ATP8B4: variants seen among roughly 807,000 people sequenced by gnomAD.
ATP8B4 encodes ATPase phospholipid transporting 8B4 (putative), also known as probable phospholipid-transporting ATPase IM.
In ATP8B4, 133 loss-of-function variants were observed where a neutral mutation model predicts 145.6. That is an observed-to-expected ratio of 0.91 (90% CI 0.79 to 1.05). The LOEUF is 1.05. ATP8B4 is among the 50% of genes least tolerant of loss of function. The pLI, the probability that ATP8B4 is intolerant of heterozygous loss-of-function variation, is 0.00. For synonymous variants in ATP8B4, 507 were observed against 492.9 expected (o/e 1.03, Z -0.38); for missense variants, 1,458 against 1,425.2 (o/e 1.02, Z -0.37).
chr15:50,174,908 T>C (rs2044739765), intron 1 of ATP8B4, among the ~76,000 whole-genome samples: 1 of 152,158 alleles, frequency 6.6e-6, no homozygotes, highest in African/African-American at 2.4e-5. Context: ...TATAAGGCTA[T>C]AGTCACCAAA....
At chr15:49,901,972 A>G in intron 20 of ATP8B4, 1 of 238,976 alleles carries the variant, frequency 4.2e-6, no homozygotes, top group South Asian at 4.5e-5. Context: ...TCCTGCTCAC[A>G]TCCCATGCAT....
At chr15:49,928,042 A>G (rs1260447882) in intron 16 of ATP8B4, among the ~76,000 whole-genome samples, 2 of 152,194 alleles carry the variant, frequency 1.3e-5, no homozygotes, top group African/African-American at 2.4e-5. Flanking sequence ...CATAATTTAC[A>G]AAGTGCTGGG....
At chr15:49,981,688 A>T (rs529677165) in intron 10 of ATP8B4, among the ~76,000 whole-genome samples, 7 of 152,304 alleles carry the variant, frequency 4.6e-5, no homozygotes, top group African/African-American at 1.2e-4. Flanking sequence ...ACACTAAGGT[A>T]AAAAATGGAA....
chr15:50,011,607 T>C (rs2048727922), intron 6 of ATP8B4, among the ~76,000 whole-genome samples: 1 of 152,024 alleles, frequency 6.6e-6, no homozygotes, highest in Non-Finnish European at 1.5e-5. Flanking sequence ...TTCAAAGGGG[T>C]TTATTATGAA....
At chr15:49,894,644 G>C (rs1215820762) in intron 23 of ATP8B4, among the ~76,000 whole-genome samples, 1 of 152,120 alleles carries the variant, frequency 6.6e-6, no homozygotes, top group Admixed American at 6.5e-5. Context: ...TCTGAAATCA[G>C]TTCCATAACC....
chr15:49,920,353 T>C lies in ATP8B4; in HGVS notation c.1816A>G (p.Lys606Glu). 1 of 1,614,230 alleles carries C rather than the reference T, an allele frequency of 6.2e-7. No individual in the cohort carries two copies. Among genetic ancestry groups the C allele is most frequent in the Non-Finnish European group, 8.5e-7 (1 of 1,180,038 alleles). The change falls in exon 18 of 28, where the codon AAG becomes GAG. Residue 606 changes from lysine to glutamate, a missense_variant. Lys to Glu is a moderately conservative substitution (Grantham distance 56, BLOSUM62 1). Coordinates refer to ENST00000284509, the MANE Select transcript of ATP8B4 (RefSeq NM_024837.4). Reference protein sequence around the residue: ...LAIAYRDLDDKYFKEWHKMLE... With the variant: ...LAIAYRDLDDEYFKEWHKMLE... ...ATCTTATGCCACTCTTTAAAGTACTTGTCATCCAGGTCTCTGTATGCGATG... is the reference window on the plus strand; with the variant it reads ...ATCTTATGCCACTCTTTAAAGTACTCGTCATCCAGGTCTCTGTATGCGATG...
At chr15:49,872,472 T>C (rs1473108982) in intron 25 of ATP8B4, among the ~76,000 whole-genome samples, 1 of 152,310 alleles carries the variant, frequency 6.6e-6, no homozygotes, top group South Asian at 2.1e-4. Flanking sequence ...CAGCTTACAG[T>C]GGAGAAACCT....
chr15:49,875,110 G>GCA, intron 25 of ATP8B4, among the ~76,000 whole-genome samples: 1 of 152,192 alleles, frequency 6.6e-6, no homozygotes, highest in Admixed American at 6.5e-5. Flanking sequence ...ATGTACACAT[G>GCA]CACACACACA....
At chr15:50,136,749 CTT>C (rs1156464180) in intron 1 of ATP8B4, among the ~76,000 whole-genome samples, 1 of 152,080 alleles carries the variant, frequency 6.6e-6, no homozygotes, top group Non-Finnish European at 1.5e-5. Flanking sequence ...TCAGACTGGC[CTT>C]TGTGTGAAGC....
At chr15:49,919,373 G>A (rs1056800660) in intron 18 of ATP8B4, among the ~76,000 whole-genome samples, 13 of 152,086 alleles carry the variant, frequency 8.5e-5, no homozygotes, top group Admixed American at 2.6e-4. Flanking sequence ...ACCAGCAGAC[G>A]CCATAAACTA....
intron 3 of ATP8B4, among the ~76,000 whole-genome samples, chr15:50,063,704 T>G (rs1327157620): frequency 1.3e-5 from 2 of 152,174 alleles, no homozygotes; most frequent in Non-Finnish European, 2.9e-5. Context: ...CTATTGTGTT[T>G]GACTTTGGAG....
chr15:50,135,456 G>T (rs1281936729), intron 1 of ATP8B4, among the ~76,000 whole-genome samples: 1 of 152,082 alleles, frequency 6.6e-6, no homozygotes, highest in African/African-American at 2.4e-5. Context: ...TGCGGGAATT[G>T]CTTGAGCTAT....
At chr15:50,114,103 CTTTTTTTTT>C (rs755159123) in intron 1 of ATP8B4, among the ~76,000 whole-genome samples, 2 of 55,644 alleles carry the variant, frequency 3.6e-5, no homozygotes, top group Admixed American at 3.4e-4. Context: ...CTCCTAGTTT[CTTTTTTTTT>C]TTTTTTTTTT....
rs112491103 is a variant in ATP8B4 at position 50,058,543 on chromosome 15, C to T, written c.88-11079G>A. Among the ~76,000 whole-genome samples, 1,375 of 152,294 alleles carry T rather than the reference C, an allele frequency of 9.0e-3. 6 individuals carry two copies. The highest frequency in any genetic ancestry group is 0.031 in the Middle Eastern group (9 of 294). ...AGGGCCAAAGAGTTATAATAGCACA[C>T]GATACACAGTCTAATCCTTCCTAGC... On this transcript the variant is annotated intron_variant, in intron 3 of 27. Coordinates refer to ENST00000284509, the MANE Select transcript of ATP8B4 (RefSeq NM_024837.4).
At chr15:50,036,001 T>C (rs1357845021) in intron 6 of ATP8B4, among the ~76,000 whole-genome samples, 1 of 152,114 alleles carries the variant, frequency 6.6e-6, no homozygotes, top group Non-Finnish European at 1.5e-5. Context: ...CTCCAGCCAT[T>C]TTACTTTATT....
At chr15:49,872,571 G>C (rs1487507824) in intron 25 of ATP8B4, among the ~76,000 whole-genome samples, 1 of 152,088 alleles carries the variant, frequency 6.6e-6, no homozygotes, top group Non-Finnish European at 1.5e-5. Flanking sequence ...GATGAGACAA[G>C]AACACATCAC....
intron 2 of ATP8B4, among the ~76,000 whole-genome samples, chr15:50,106,478 A>G (rs1370204988): frequency 1.3e-5 from 2 of 152,172 alleles, no homozygotes; most frequent in Non-Finnish European, 2.9e-5. Context: ...AACTATACGA[A>G]CTCTGTTTTA....
At chr15:49,884,525 G>A (rs892795212) in intron 23 of ATP8B4, among the ~76,000 whole-genome samples, 6 of 149,736 alleles carry the variant, frequency 4.0e-5, no homozygotes, top group Non-Finnish European at 8.9e-5. Context: ...TCACTTGAAC[G>A]TGGGAGGCAG....
At chr15:50,089,320 C>G (rs2055434076) in intron 2 of ATP8B4, among the ~76,000 whole-genome samples, 1 of 152,132 alleles carries the variant, frequency 6.6e-6, no homozygotes, top group Admixed American at 6.5e-5. Flanking sequence ...GCAAAATAAA[C>G]TATCATCAGA....
Sources: allele counts gnomAD v4.1 joint callset (sites outside exome capture counted in the v4.1 genomes callset), GRCh38; gene constraint gnomAD v4.1.1; transcripts MANE v1.5; gene names NCBI Gene and HGNC (gene_info 2026-07-23, HGNC 2026-07-21).